The following JAKMIP1 variants were observed in gnomAD, a reference collection of about 807,000 sequenced individuals.
JAKMIP1 encodes the protein janus kinase and microtubule-interacting protein 1.
JAKMIP1 carries 33 observed loss-of-function variants against 113.0 expected under a neutral mutation model. The observed-to-expected ratio is 0.29, with a 90% confidence interval of 0.22 to 0.39. The LOEUF (loss-of-function observed/expected upper bound fraction) is 0.39. Among genes scored for constraint, JAKMIP1 ranks in the 10% least tolerant of loss-of-function variants. JAKMIP1 has a pLI of 1.00. For missense variants in JAKMIP1, 813 were observed against 1,080.5 expected, an observed-to-expected ratio of 0.75 and a Z score of 3.47; for synonymous variants, 480 against 459.9, an observed-to-expected ratio of 1.04 and a Z score of -0.56.
Position 6,106,007 on chromosome 4 carries a change from T to A in JAKMIP1, c.130-40A>T. 1 of 1,191,170 alleles carries A rather than the reference T, an allele frequency of 8.4e-7. No homozygotes were observed. Among genetic ancestry groups the A allele is most frequent in the African/African-American group, 1.5e-5 (1 of 65,906 alleles). The allele number at this position is 1,191,170 out of a possible 1,614,324, so 73.8% of individuals were successfully genotyped here. On this transcript the variant is annotated intron_variant, in intron 2 of 20. Transcript: ENST00000409021. The surrounding 1 kb of genome is among the most constrained non-coding windows in gnomAD (Gnocchi z 5.9). ...GCGAGAGAGCCGGTCAGGGTCAGGG[T>A]CAGGGTCAGGGTCAGGGTCAGGGTC...
chr4:6,127,311 C>T (rs1251707903), intron 1 of JAKMIP1, among the ~76,000 whole-genome samples: 1 of 152,142 alleles, frequency 6.6e-6, no homozygotes, highest in Non-Finnish European at 1.5e-5. Context: ...AAAACTGAGG[C>T]TCGGAGCCAC....
intron 8 of JAKMIP1, among the ~76,000 whole-genome samples, chr4:6,066,220 C>T: frequency 6.6e-6 from 1 of 151,934 alleles, no homozygotes; most frequent in East Asian, 1.9e-4. Flanking sequence ...AGTGTTTTAC[C>T]CAGATATCTG....
At chr4:6,149,480 C>T (rs1019393668) in intron 1 of JAKMIP1, among the ~76,000 whole-genome samples, 2 of 152,086 alleles carry the variant, frequency 1.3e-5, no homozygotes, top group Admixed American at 1.3e-4. Context: ...GGATGTGGTC[C>T]GAGACCAGCG....
At position 6,103,706 on chromosome 4, in the gene JAKMIP1, A is replaced by G. The variant is rs570693118; in HGVS notation, c.624+1767T>C. Among the ~76,000 whole-genome samples, 4 of 152,226 alleles carry G rather than the reference A, an allele frequency of 2.6e-5. No individual in the cohort carries two copies. The South Asian group carries it at 8.3e-4, about 32-fold the overall frequency. On this transcript the variant is annotated intron_variant, in intron 3 of 20. Transcript: ENST00000409021. ...AGCTTTAGGACTACTTAGATTTTCT[A>G]TTTGTTTCATGTCAGTTTTGGTACA...
Position 6,062,447 on chromosome 4 carries a change from A to G in JAKMIP1, c.1432-7T>C, listed in dbSNP as rs773004614. ...CCTCCTCTCGGGCTGTGGCCTTCAC[A>G]TAATGGAGAAGAAAACAAATAATCA... is the stretch of plus-strand genomic sequence containing the variant. On this transcript the variant is annotated splice_polypyrimidine_tract_variant and splice_region_variant and intron_variant, in intron 9 of 20. Coordinates refer to ENST00000409021, the MANE Select transcript of JAKMIP1 (RefSeq NM_001099433.2). The G allele has an allele frequency of 8.7e-6, 14 of 1,608,592 alleles. No homozygotes were observed. Among genetic ancestry groups the G allele is most frequent in the Non-Finnish European group, 1.2e-5 (14 of 1,177,052 alleles).
chr4:6,053,797 T>C, intron 13 of JAKMIP1: 1 of 1,277,606 alleles, frequency 7.8e-7, no homozygotes, highest in African/African-American at 1.5e-5. Context: ...AAACAAGCCA[T>C]AGGCAATAAA....
intron 3 of JAKMIP1, among the ~76,000 whole-genome samples, chr4:6,091,295 A>G (rs1408703608): frequency 6.6e-6 from 1 of 152,184 alleles, no homozygotes; most frequent in East Asian, 1.9e-4. Context: ...AGCCTTTGTG[A>G]TACTGGATCC....
chr4:6,104,576 C>T (rs1302238596), intron 3 of JAKMIP1, among the ~76,000 whole-genome samples: 1 of 152,232 alleles, frequency 6.6e-6, no homozygotes, highest in Non-Finnish European at 1.5e-5. Flanking sequence ...AGATGTCTCT[C>T]TTGTAAATAT....
chr4:6,120,107 G>A (rs145607497), intron 1 of JAKMIP1, among the ~76,000 whole-genome samples: 22 of 151,922 alleles, frequency 1.4e-4, no homozygotes, highest in African/African-American at 4.8e-4. Flanking sequence ...GAGAAAATAT[G>A]AATGGGCTAG....
intron 1 of JAKMIP1, among the ~76,000 whole-genome samples, chr4:6,145,903 A>C (rs1486919495): frequency 2.0e-5 from 3 of 152,104 alleles, no homozygotes; most frequent in African/African-American, 7.2e-5. Context: ...ACCTCAGTTT[A>C]ATGTAACCAC....
chr4:6,159,942 T>C (rs1462483632), intron 1 of JAKMIP1, among the ~76,000 whole-genome samples: 3 of 152,092 alleles, frequency 2.0e-5, no homozygotes, highest in Non-Finnish European at 4.4e-5. Context: ...ACAAACAACA[T>C]GATCCCATTT....
Position 6,179,064 on chromosome 4 carries a change from T to C in JAKMIP1, c.-148+21189A>G, listed in dbSNP as rs929794101. 6.6e-6 allele frequency among the ~76,000 whole-genome samples: 1 copy of C among 152,214 alleles called. No homozygotes were observed. The highest frequency in any genetic ancestry group is 2.4e-5 in the African/African-American group (1 of 41,458). ...GGAAAAAATAAAACTGGGCTATATGTCCAGAGAGTGGTTGGGGAAAGACTA... is the reference window on the plus strand; with the variant it reads ...GGAAAAAATAAAACTGGGCTATATGCCCAGAGAGTGGTTGGGGAAAGACTA... On this transcript the variant is annotated intron_variant, in intron 1 of 20. Coordinates refer to ENST00000409021, the MANE Select transcript of JAKMIP1 (RefSeq NM_001099433.2). This position sits in a 1 kb window ranked among gnomAD's most constrained non-coding sequence, Gnocchi z 4.5.
At chr4:6,173,548 A>C (rs956984314) in intron 1 of JAKMIP1, among the ~76,000 whole-genome samples, 8 of 152,210 alleles carry the variant, frequency 5.3e-5, no homozygotes, top group Middle Eastern at 3.2e-3. Flanking sequence ...AAAATGTCTT[A>C]TTGCAAAATT....
Position 6,094,007 on chromosome 4 carries a change from C to T in JAKMIP1, c.625-8378G>A, listed in dbSNP as rs544839882. 1.3e-5 allele frequency among the ~76,000 whole-genome samples: 2 copies of T among 151,918 alleles called. No individual in the cohort carries two copies. The highest frequency in any genetic ancestry group is 2.9e-5 in the Non-Finnish European group (2 of 67,994). ...CTCCCAAGCAGAGATCACATGGGAG[C>T]GGGTGTCACCTGTCACCCCAGTAGA... On this transcript the variant is annotated intron_variant, in intron 3 of 20. Transcript: ENST00000409021. The surrounding 1 kb of genome is among the most constrained non-coding windows in gnomAD (Gnocchi z 4.2).
chr4:6,042,743 C>T lies in JAKMIP1; in HGVS notation c.2029-516G>A, dbSNP rs1323943734. 6.6e-6 allele frequency among the ~76,000 whole-genome samples: 1 copy of T among 152,066 alleles called. No homozygotes were observed. The highest frequency in any genetic ancestry group is 6.5e-5 in the Admixed American group (1 of 15,272). On this transcript the variant is annotated intron_variant, in intron 16 of 20. Transcript: ENST00000409021. This position sits in a 1 kb window ranked among gnomAD's most constrained non-coding sequence, Gnocchi z 5.2. Reference sequence around the variant, plus strand: ...AGCCTGCAGGATGCCAAAGCCACTGCCCTCATCCCTCCAGCAACGTGAGTT... The same window carrying T: ...AGCCTGCAGGATGCCAAAGCCACTGTCCTCATCCCTCCAGCAACGTGAGTT...
chr4:6,127,842 A>G (rs1361048448), intron 1 of JAKMIP1, among the ~76,000 whole-genome samples: 1 of 152,230 alleles, frequency 6.6e-6, no homozygotes, highest in East Asian at 1.9e-4. Flanking sequence ...AAAAAGAAGC[A>G]AACAAAAACT....
intron 1 of JAKMIP1, among the ~76,000 whole-genome samples, chr4:6,124,537 G>A (rs1009345535): frequency 6.6e-5 from 10 of 152,198 alleles, no homozygotes; most frequent in Admixed American, 2.6e-4. Context: ...GTCTGCATTC[G>A]TGTGACACAG....
chr4:6,079,518 A>G (rs1720195345), intron 7 of JAKMIP1, among the ~76,000 whole-genome samples: 2 of 152,224 alleles, frequency 1.3e-5, no homozygotes, highest in South Asian at 2.1e-4. Context: ...TGGAACCATC[A>G]CACACCCACT....
At chr4:6,121,593 G>A (rs1716716755) in intron 1 of JAKMIP1, among the ~76,000 whole-genome samples, 2 of 152,226 alleles carry the variant, frequency 1.3e-5, no homozygotes, top group African/African-American at 2.4e-5. Context: ...CGTGCAGGCT[G>A]CCCCCGGACC....
Sources: allele counts gnomAD v4.1 joint callset (sites outside exome capture counted in the v4.1 genomes callset), GRCh38; gene constraint gnomAD v4.1.1; non-coding constraint Gnocchi (gnomAD v3.1); transcripts MANE v1.5; gene names NCBI Gene and HGNC (gene_info 2026-07-23, HGNC 2026-07-21).